Variants in TCOF1 observed in about 807,000 individuals in gnomAD.
The protein encoded by TCOF1 is treacle ribosome biogenesis factor 1, also known as treacle protein.
In TCOF1, 33 loss-of-function variants were observed where a neutral mutation model predicts 149.0. The ratio of observed to expected loss-of-function variants is 0.22; its 90% CI spans 0.17 to 0.30. The LOEUF is 0.30. TCOF1 is among the 10% of genes least tolerant of loss of function. The probability of loss-of-function intolerance (pLI) is 1.00; values close to 1 mark genes in which losing one functional copy is unlikely to be tolerated. For missense variants in TCOF1, 1,728 were observed against 1,840.7 expected, an observed-to-expected ratio of 0.94 and a Z score of 1.12; for synonymous variants, 789 against 738.8, an observed-to-expected ratio of 1.07 and a Z score of -1.10.
At chr5:150,379,203 A>G (rs781126603) in intron 15 of TCOF1, 26 bp from the exon 16 acceptor site, 1 of 1,614,128 alleles carries the variant, frequency 6.2e-7, no homozygotes, top group Admixed American at 1.7e-5. Context: ...TTTTGCCTCC[A>G]ATACTATTAT....
Position 150,396,383 on chromosome 5 carries a change from A to G in TCOF1, c.3886A>G (p.Ile1296Val), listed in dbSNP as rs1297478685. ...CTCAACCCTGGCGCTGCAAAGCAAC[A>G]TCACCCAGTGCCTCCTGGGCCAACC... ...QASTLALQSN[I>V]TQCLLGQPWP... Residue 1296 changes from isoleucine to valine, a missense_variant, in exon 24 of 27, where the codon ATC becomes GTC. By Grantham distance (29) the Ile-to-Val change is conservative. Transcript: ENST00000643257. 1.9e-6 allele frequency: 3 copies of G among 1,613,998 alleles called. No individual in the cohort carries two copies. Among genetic ancestry groups the G allele is most frequent in the Admixed American group, 3.3e-5 (2 of 60,022 alleles).
intron 7 of TCOF1, among the ~76,000 whole-genome samples, chr5:150,372,883 A>ATT (rs948712527): frequency 9.2e-5 from 14 of 152,174 alleles, no homozygotes; most frequent in African/African-American, 3.4e-4. Context: ...GACCAGAAGG[A>ATT]GGAAGCACTC....
At position 150,392,746 on chromosome 5, in the gene TCOF1, A is replaced by G. The variant is rs1176215076; in HGVS notation, c.3559A>G (p.Thr1187Ala). 1.9e-6 allele frequency: 3 copies of G among 1,613,910 alleles called. No individual in the cohort carries two copies. In the African/African-American group the frequency reaches 4.0e-5, roughly 22 times the overall value. Reference protein sequence around the residue: ...PSRTETLVEETAAESSEDDVV... With the variant: ...PSRTETLVEEAAAESSEDDVV... ...CAGGACAGAGACCCTGGTGGAGGAG[A>G]CCGCAGCAGAGTCCAGCGAGGATGA... is the stretch of plus-strand genomic sequence containing the variant. The change falls in exon 22 of 27, where the codon ACC (threonine) becomes GCC (alanine). Residue 1187 changes from threonine (T) to alanine (A), a missense_variant. Transcript: ENST00000643257.
At chr5:150,393,325 C>A in intron 22 of TCOF1, 47 bp from the exon 23 acceptor site, 1 of 1,611,758 alleles carries the variant, frequency 6.2e-7, no homozygotes, top group Middle Eastern at 1.7e-4. Flanking sequence ...TGGGTTATGG[C>A]AGTGGGGTGG....
At chr5:150,383,228 C>T in intron 17 of TCOF1, 5 of 1,456,982 alleles carry the variant, frequency 3.4e-6, no homozygotes, top group Non-Finnish European at 3.7e-6. Flanking sequence ...GCTGGCAGGC[C>T]TTGCAGGAGA....
intron 23 of TCOF1, chr5:150,394,463 G>A (rs1324700323): frequency 6.6e-6 from 1 of 152,280 alleles, no homozygotes; most frequent in Non-Finnish European, 1.5e-5. Context: ...TAGTCACATT[G>A]TATTTGGAGG....
At chr5:150,365,253 C>CTTTT (rs991524826) in intron 3 of TCOF1, among the ~76,000 whole-genome samples, 31 of 116,474 alleles carry the variant, frequency 2.7e-4, no homozygotes, top group African/African-American at 4.0e-4. Flanking sequence ...CTTTTTCTTT[C>CTTTT]TTTTTTTTTT....
chr5:150,381,148 G>GA (rs1561511050), intron 17 of TCOF1, among the ~76,000 whole-genome samples: 2 of 152,196 alleles, frequency 1.3e-5, no homozygotes. Context: ...CTGTGGAGAT[G>GA]GACCTTCTGT....
chr5:150,398,427 G>A lies in TCOF1; in HGVS notation c.4419G>A (p.Pro1473=), dbSNP rs766361479. ...CCTCAACCAAAGATTCTGAGTCACC[G>A]TCCCAGAAGAAAAAGAAGAAAAAGG... ...KKASTKDSES[P]SQKKKKKKKK... is the part of the protein sequence containing the mutation. The change falls in exon 25 of 27, where the codon CCG becomes CCA. Residue 1473 remains proline (P), a synonymous_variant. Transcript: ENST00000643257. The A allele has an allele frequency of 1.2e-5, 19 of 1,614,018 alleles. No homozygotes were observed. The highest frequency in any genetic ancestry group is 5.0e-5 in the Admixed American group (3 of 59,996).
rs956841291 is a variant in TCOF1 at position 150,396,796 on chromosome 5, T to A, written c.4299T>A (p.Asp1433Glu). ...GGATGGGGACGGTTGAAGGTGGAGA[T>A]CAAAGCAACCCAAAGAGCAAGAAGG... The part of the protein sequence containing the change: ...QKGMGTVEGG[D>E]QSNPKSKKEK... Residue 1433 changes from aspartate (D) to glutamate (E), a missense_variant, in exon 24 of 27, where the codon GAT becomes GAA. Physicochemically the swap from Asp to Glu is conservative, Grantham distance 45 (BLOSUM62 2). This residue lies in a region of TCOF1 where 1,696 missense variants were observed against 1,765.4 expected (regional missense o/e 0.96). Coordinates refer to ENST00000643257, the MANE Select transcript of TCOF1 (RefSeq NM_001371623.1). 4.3e-6 allele frequency: 7 copies of A among 1,609,812 alleles called. No individual in the cohort carries two copies. The highest frequency in any genetic ancestry group is 5.9e-6 in the Non-Finnish European group (7 of 1,178,684).
intron 18 of TCOF1, among the ~76,000 whole-genome samples, chr5:150,388,857 G>C (rs1766818604): frequency 1.3e-5 from 2 of 152,336 alleles, no homozygotes; most frequent in South Asian, 2.1e-4. Flanking sequence ...CTTGAACCCA[G>C]GAGGCAGAAG....
intron 17 of TCOF1, chr5:150,384,631 A>G (rs1765904989): frequency 1.0e-6 from 1 of 985,362 alleles, no homozygotes. Context: ...CATCCTGCTT[A>G]AACTGAACCA....
At chr5:150,379,786 A>G (rs980087435) in intron 17 of TCOF1, 54 bp downstream of exon 17, 20 of 1,591,416 alleles carry the variant, frequency 1.3e-5, no homozygotes, top group Admixed American at 1.8e-5. Flanking sequence ...GAACGGGGGT[A>G]TAGGGCTGGG....
intron 17 of TCOF1, chr5:150,380,520 C>G (rs927259519): frequency 6.5e-6 from 1 of 152,718 alleles, no homozygotes; most frequent in African/African-American, 2.4e-5. Flanking sequence ...CGCATCTTCT[C>G]AGGCAGGGCT....
chr5:150,370,418 C>T (rs556172088), intron 6 of TCOF1, among the ~76,000 whole-genome samples: 5 of 152,288 alleles, frequency 3.3e-5, no homozygotes, highest in African/African-American at 9.6e-5. Flanking sequence ...TGCAGTAGCG[C>T]GATCTTGGCT....
Position 150,357,715 on chromosome 5 carries a change from T to G in TCOF1, c.-32T>G, listed in dbSNP as rs775209462. On this transcript the variant is annotated 5_prime_UTR_variant, in exon 1 of 27. Coordinates refer to ENST00000643257, the MANE Select transcript of TCOF1 (RefSeq NM_001371623.1). Reference sequence around the variant, plus strand: ...GGCGGGCGGGGACTAAGGCGGGGCGTGCAGGTAGCCGGCCGGCCGGGGGTC... The same window carrying G: ...GGCGGGCGGGGACTAAGGCGGGGCGGGCAGGTAGCCGGCCGGCCGGGGGTC... 1 of 1,532,998 alleles carries G rather than the reference T, an allele frequency of 6.5e-7. No individual in the cohort carries two copies. The highest frequency in any genetic ancestry group is 1.2e-5 in the South Asian group (1 of 83,598). 95.0% of individuals were successfully genotyped at this position (1,532,998 alleles called of 1,614,324 possible).
In TCOF1 at chr5:150,372,086, A is replaced by G. The variant is rs1457113646; in HGVS notation, c.720A>G (p.Pro240=). 6.2e-7 allele frequency: 1 copy of G among 1,614,226 alleles called. No individual in the cohort carries two copies. The highest frequency in any genetic ancestry group is 2.2e-5 in the East Asian group (1 of 44,886). ...AGTCTCCAGCAAGAAAGGCGGCCCCAGCCCCTGGGAAGGTGGGGGATGTGA... is the reference window on the plus strand; with the variant it reads ...AGTCTCCAGCAAGAAAGGCGGCCCCGGCCCCTGGGAAGGTGGGGGATGTGA... The part of the protein sequence containing the change: ...TKESPARKAA[P]APGKVGDVTP... The change falls in exon 7 of 27, where the codon CCA becomes CCG. Residue 240 remains proline, a synonymous_variant. Transcript: ENST00000643257.
intron 1 of TCOF1, among the ~76,000 whole-genome samples, chr5:150,359,939 A>T (rs571384688): frequency 6.6e-6 from 1 of 152,168 alleles, no homozygotes; most frequent in African/African-American, 2.4e-5. Flanking sequence ...ACCTGAAGGA[A>T]ATGAGGGAGT....
chr5:150,364,145 A>C lies in TCOF1; in HGVS notation c.197A>C (p.Glu66Ala). 1 of 1,614,200 alleles carries C rather than the reference A, an allele frequency of 6.2e-7. No homozygotes were observed. Among genetic ancestry groups the C allele is most frequent in the Non-Finnish European group, 8.5e-7 (1 of 1,180,030 alleles). ...GAGCTTGGTCGGAAGCGGAAGGCAG[A>C]GGAAGATGCGGCACTGCAAGCTAAG... ...TSELGRKRKA[E>A]EDAALQAKKT... Residue 66 changes from glutamate (E) to alanine (A), a missense_variant, in exon 3 of 27, where the codon GAG (glutamate) becomes GCG (alanine). Coordinates refer to ENST00000643257, the MANE Select transcript of TCOF1 (RefSeq NM_001371623.1).
Sources: gnomAD v4.1 joint callset for allele counts (sites outside exome capture counted in the v4.1 genomes callset) on GRCh38, gnomAD v4.1.1 for gene constraint, gnomAD v4.1.1 regional missense constraint, MANE v1.5 for transcripts, NCBI Gene and HGNC (gene_info 2026-07-23, HGNC 2026-07-21) for gene names.